The following IL2RB variants were observed in gnomAD, a reference collection of about 807,000 sequenced individuals.
The protein encoded by IL2RB is interleukin 2 receptor subunit beta.
IL2RB carries 17 observed loss-of-function variants against 44.2 expected under a neutral mutation model. The ratio of observed to expected loss-of-function variants is 0.38; its 90% CI spans 0.26 to 0.58. The LOEUF (loss-of-function observed/expected upper bound fraction) is 0.58. IL2RB is among the 20% of genes least tolerant of loss of function. IL2RB has a pLI of 0.63. For synonymous variants in IL2RB, 286 were observed against 297.9 expected (o/e 0.96, Z 0.41); for missense variants, 624 against 685.5 (o/e 0.91, Z 1.00).
chr22:37,160,199 G>C (rs978490584), intron 1 of IL2RB, among the ~76,000 whole-genome samples: 2 of 152,260 alleles, frequency 1.3e-5, no homozygotes, highest in African/African-American at 4.8e-5. Context: ...CCAGGACACT[G>C]ATTGGCTGAT....
chr22:37,151,674 T>C (rs1340619549), upstream of IL2RB, among the ~76,000 whole-genome samples: 1 of 152,210 alleles, frequency 6.6e-6, no homozygotes, highest in African/African-American at 2.4e-5. Flanking sequence ...ATGTTCCTTT[T>C]AGTAGTTTCA....
intron 1 of IL2RB, among the ~76,000 whole-genome samples, chr22:37,174,023 C>G (rs939189762): frequency 3.9e-5 from 6 of 152,190 alleles, no homozygotes; most frequent in Non-Finnish European, 8.8e-5. Flanking sequence ...CCACCCCACC[C>G]CAACCTGTGA....
chr22:37,158,834 A>G (rs980047560), intron 1 of IL2RB, among the ~76,000 whole-genome samples: 1 of 152,210 alleles, frequency 6.6e-6, no homozygotes, highest in Non-Finnish European at 1.5e-5. Context: ...CCAGTTTCCT[A>G]CCTGAAACTG....
At chr22:37,152,814 ATCAC>A (rs2146256265), upstream of IL2RB, among the ~76,000 whole-genome samples, 1 of 151,986 alleles carries the variant, frequency 6.6e-6, no homozygotes, top group African/African-American at 2.4e-5. Context: ...TACGTGCTAC[ATCAC>A]AGCCCCATAG....
chr22:37,137,137 C>T (rs373920452), intron 6 of IL2RB, among the ~76,000 whole-genome samples: 2 of 152,200 alleles, frequency 1.3e-5, no homozygotes, highest in African/African-American at 2.4e-5. Context: ...GCTCACCCTC[C>T]GCTCTCTCCC....
At chr22:37,130,319 A>G (rs228946) in intron 9 of IL2RB, among the ~76,000 whole-genome samples, 101,458 of 152,156 alleles carry the variant, frequency 0.67, 33,939 homozygotes, top group East Asian at 0.81. Flanking sequence ...TGAGCCAGGG[A>G]CCCACTGCCT....
Position 37,128,289 on chromosome 22 carries a change from G to A in IL2RB, c.1463C>T (p.Pro488Leu), listed in dbSNP as rs750196405. The A allele has an allele frequency of 1.1e-5, 16 of 1,501,544 alleles. No homozygotes were observed. The highest frequency in any genetic ancestry group is 7.0e-5 in the East Asian group (3 of 42,624). 93.0% of individuals were successfully genotyped at this position (1,501,544 alleles called of 1,614,324 possible). The change falls in exon 10 of 10, where the codon CCC (proline) becomes CTC (leucine). Residue 488 changes from proline to leucine, a missense_variant. By Grantham distance (98) the Pro-to-Leu change is moderately conservative (BLOSUM62 -3). Coordinates refer to ENST00000216223, the MANE Select transcript of IL2RB (RefSeq NM_000878.5). The surrounding 1 kb of genome is among the most constrained non-coding windows in gnomAD (Gnocchi z 4.5). ...AGCCTCTCGCAGCACCAGCTCAGGG[G>A]GTGGCTGAAAATCCACCAGGTCTGG... ...GVPDLVDFQP[P>L]PELVLREAGE... is the part of the protein sequence containing the mutation.
Position 37,139,238 on chromosome 22 carries a change from G to A in IL2RB, c.283-16C>T, listed in dbSNP as rs1056521581. The A allele has an allele frequency of 1.3e-6, 2 of 1,576,786 alleles. No homozygotes were observed. Among genetic ancestry groups the A allele is most frequent in the East Asian group, 2.3e-5 (1 of 44,188 alleles). ...GTTTCTGAGACTGCAAGGGAAGGAG[G>A]GCAGGGGTGAAACTTCTAGCAGCTT... On this transcript the variant is annotated splice_polypyrimidine_tract_variant and intron_variant, in intron 4 of 9. Coordinates refer to ENST00000216223, the MANE Select transcript of IL2RB (RefSeq NM_000878.5).
At chr22:37,170,056 G>A (rs1923221118) in intron 1 of IL2RB, among the ~76,000 whole-genome samples, 1 of 8,800 alleles carries the variant, frequency 1.1e-4, no homozygotes, top group Non-Finnish European at 5.0e-4. Flanking sequence ...TGATGGGGGA[G>A]AAGGAAGGAA....
At chr22:37,147,149 C>G (rs1377446138) in intron 1 of IL2RB, among the ~76,000 whole-genome samples, 1 of 152,204 alleles carries the variant, frequency 6.6e-6, no homozygotes, top group Non-Finnish European at 1.5e-5. Context: ...CCAAAACCAT[C>G]GGCTGACAGG....
intron 1 of IL2RB, among the ~76,000 whole-genome samples, chr22:37,167,630 T>G (rs765570828): frequency 1.3e-5 from 2 of 152,204 alleles, no homozygotes; most frequent in Admixed American, 1.3e-4. Flanking sequence ...TGCGGTCACT[T>G]TCTCAGGGCA....
At position 37,165,677 on chromosome 22, in the gene IL2RB, T is replaced by A. The variant is rs184451012; in HGVS notation, c.-34+9281A>T. On this transcript the variant is annotated intron_variant, in intron 1 of 5. Transcript: ENST00000429622. ...GCTTCATGGAGAAGAGGGCTTTTTT[T>A]AAAAATTTAATTTAATTTAATTTAA... Among the ~76,000 whole-genome samples, 578 of 148,332 alleles carry A rather than the reference T, an allele frequency of 3.9e-3. 5 individuals carry two copies. The highest frequency in any genetic ancestry group is 0.014 in the Middle Eastern group (4 of 290).
intron 1 of IL2RB, among the ~76,000 whole-genome samples, chr22:37,170,089 A>G (rs2899283): frequency 0.68 from 78,681 of 115,466 alleles, 23,490 homozygotes; most frequent in Non-Finnish European, 0.75. Flanking sequence ...AGGAAGGAAG[A>G]ATGGATGGAT....
rs1476079078 is a variant in IL2RB at position 37,135,453 on chromosome 22, G to A, written c.704-11C>T. The A allele has an allele frequency of 2.5e-6, 4 of 1,576,538 alleles. No individual in the cohort carries two copies. Among genetic ancestry groups the A allele is most frequent in the Non-Finnish European group, 2.6e-6 (3 of 1,145,880 alleles). The stretch of plus-strand genomic sequence containing the variant: ...TGTCCTTCCCAAGGGCTGCCCAGGG[G>A]TGGGAGAAACAGCAAGGAGAGGGGT... On this transcript the variant is annotated splice_polypyrimidine_tract_variant and intron_variant, in intron 7 of 9. Coordinates refer to ENST00000216223, the MANE Select transcript of IL2RB (RefSeq NM_000878.5).
chr22:37,154,467 C>CT (rs60610946), upstream of IL2RB, among the ~76,000 whole-genome samples: 5,873 of 152,144 alleles, frequency 0.039, 364 homozygotes, highest in African/African-American at 0.13. Context: ...AGAACCAAGT[C>CT]TGGCTAATGG....
chr22:37,162,616 G>A (rs1922919514), intron 1 of IL2RB, among the ~76,000 whole-genome samples: 1 of 152,162 alleles, frequency 6.6e-6, no homozygotes, highest in Non-Finnish European at 1.5e-5. Flanking sequence ...AAGTGAGTTA[G>A]AGACAGTCCC....
In IL2RB at chr22:37,171,744, C is replaced by T. The variant is rs531381111; in HGVS notation, c.-34+3214G>A. Among the ~76,000 whole-genome samples, 14 of 152,350 alleles carry T rather than the reference C, an allele frequency of 9.2e-5. 1 individual carries two copies. In the South Asian group the frequency reaches 1.9e-3, roughly 20 times the overall value. On this transcript the variant is annotated intron_variant, in intron 1 of 5. Transcript: ENST00000429622. Reference sequence around the variant, plus strand: ...GCAAGCTCCACGTGAGAAGAGACTGCTTGACTTGTTCTCAGAAAGTATTTA... The same window carrying T: ...GCAAGCTCCACGTGAGAAGAGACTGTTTGACTTGTTCTCAGAAAGTATTTA...
At chr22:37,163,681 C>G (rs572618104) in intron 1 of IL2RB, among the ~76,000 whole-genome samples, 1 of 152,226 alleles carries the variant, frequency 6.6e-6, no homozygotes, top group African/African-American at 2.4e-5. Context: ...CTGAGGCCCC[C>G]CATTCGGGGG....
chr22:37,128,629 T>G lies in IL2RB; in HGVS notation c.1123A>C (p.Ile375Leu), dbSNP rs561029890. 6.2e-7 allele frequency: 1 copy of G among 1,614,076 alleles called. No homozygotes were observed. The highest frequency in any genetic ancestry group is 1.3e-5 in the African/African-American group (1 of 75,016). ...FFFHLPDALE[I>L]EACQVYFTYD... ...GTAAAGTACACCTGGCAGGCCTCTA[T>G]CTCCAAGGCATCCGGGAGGTGGAAG... Residue 375 changes from isoleucine (I) to leucine (L), a missense_variant, in exon 10 of 10, where the codon ATA becomes CTA. This residue lies in a region of IL2RB where 291 missense variants were observed against 275.5 expected (regional missense o/e 1.06). Transcript: ENST00000216223. This position sits in a 1 kb window ranked among gnomAD's most constrained non-coding sequence, Gnocchi z 4.5.
Sources: gnomAD v4.1 joint callset for allele counts (sites outside exome capture counted in the v4.1 genomes callset) on GRCh38, gnomAD v4.1.1 for gene constraint, gnomAD v4.1.1 regional missense constraint, Gnocchi (gnomAD v3.1) non-coding constraint, MANE v1.5 for transcripts, NCBI Gene and HGNC (gene_info 2026-07-23, HGNC 2026-07-21) for gene names.